Variants in MBNL1 observed in about 807,000 individuals in gnomAD.
The protein encoded by MBNL1 is muscleblind like splicing regulator 1, also known as muscleblind-like protein 1.
Under a neutral mutation model 42.2 loss-of-function variants are expected in MBNL1, and 8 were observed. That is an observed-to-expected ratio of 0.19 (90% confidence interval 0.11 to 0.34). The LOEUF is 0.34. MBNL1 is among the 10% of genes least tolerant of loss of function. The pLI is 1.00. For missense variants in MBNL1, 309 were observed against 495.3 expected, an observed-to-expected ratio of 0.62 and a Z score of 3.57; for synonymous variants, 169 against 173.9, an observed-to-expected ratio of 0.97 and a Z score of 0.22.
intron 4 of MBNL1, among the ~76,000 whole-genome samples, chr3:152,435,244 A>C (rs2099062917): frequency 6.6e-6 from 1 of 152,080 alleles, no homozygotes; most frequent in Non-Finnish European, 1.5e-5. Flanking sequence ...GTCCAGTTTC[A>C]ATCTTCTGTG....
At chr3:152,409,484 A>T (rs1301142743) in intron 2 of MBNL1, among the ~76,000 whole-genome samples, 2 of 152,166 alleles carry the variant, frequency 1.3e-5, no homozygotes, top group Admixed American at 1.3e-4. Flanking sequence ...AAAAATGGTA[A>T]GAATTTTCAA....
At chr3:152,358,837 T>G (rs2095717940) in intron 2 of MBNL1, among the ~76,000 whole-genome samples, 1 of 152,104 alleles carries the variant, frequency 6.6e-6, no homozygotes, top group Non-Finnish European at 1.5e-5. Flanking sequence ...CTCAAACTCC[T>G]GGGCTCAAGT....
rs149114210 is a variant in MBNL1 at position 152,287,237 on chromosome 3, A to G, written c.-789-12168A>G. 4.1e-3 allele frequency among the ~76,000 whole-genome samples: 617 copies of G among 152,124 alleles called. 4 individuals carry two copies. Among genetic ancestry groups the G allele is most frequent in the African/African-American group, 0.014 (571 of 41,490 alleles). Reference sequence around the variant, plus strand: ...CTCAAAAAAAAAAAAAAATGGTTGTATATGGTGTAGTATCTTAGAGTGATG... The same window carrying G: ...CTCAAAAAAAAAAAAAAATGGTTGTGTATGGTGTAGTATCTTAGAGTGATG... On this transcript the variant is annotated intron_variant, in intron 1 of 9. Coordinates refer to ENST00000324210, the MANE Select transcript of MBNL1 (RefSeq NM_021038.5).
intron 2 of MBNL1, among the ~76,000 whole-genome samples, chr3:152,375,614 A>G (rs568828011): frequency 1.6e-4 from 25 of 152,246 alleles, no homozygotes; most frequent in East Asian, 5.8e-4. Context: ...AAATTCAGCA[A>G]TGAAACCAGT....
chr3:152,327,754 G>A (rs559904879), intron 2 of MBNL1, among the ~76,000 whole-genome samples: 1 of 151,412 alleles, frequency 6.6e-6, no homozygotes, highest in African/African-American at 2.4e-5. Flanking sequence ...TATAATATTT[G>A]GTATCATATA....
intron 1 of MBNL1, among the ~76,000 whole-genome samples, chr3:152,294,763 T>C (rs968607102): frequency 2.6e-5 from 4 of 152,222 alleles, no homozygotes; most frequent in Non-Finnish European, 2.9e-5. Context: ...TCTCATAATC[T>C]GGACATTACC....
At chr3:152,420,701 T>G (rs1193677579) in intron 3 of MBNL1, among the ~76,000 whole-genome samples, 2 of 152,146 alleles carry the variant, frequency 1.3e-5, no homozygotes, top group Admixed American at 6.5e-5. Flanking sequence ...AAAACCAGAT[T>G]GCCTCTTCTT....
Position 152,355,587 on chromosome 3 carries a change from A to G in MBNL1, c.174+55220A>G, listed in dbSNP as rs2095456294. On this transcript the variant is annotated intron_variant, in intron 2 of 9. Coordinates refer to ENST00000324210, the MANE Select transcript of MBNL1 (RefSeq NM_021038.5). ...GTTTTATAAGATCATGGAATTAACC[A>G]TTTTTTCGTATTTTTCAATTAGAAA... is the stretch of plus-strand genomic sequence containing the variant. Among the ~76,000 whole-genome samples, 3 of 152,158 alleles carry G rather than the reference A, an allele frequency of 2.0e-5. No homozygotes were observed. In the South Asian group the frequency reaches 6.2e-4, roughly 32 times the overall value.
chr3:152,285,993 A>C (rs2051467167), intron 1 of MBNL1, among the ~76,000 whole-genome samples: 1 of 151,982 alleles, frequency 6.6e-6, no homozygotes, highest in South Asian at 2.1e-4. Flanking sequence ...AGCCAGAAAG[A>C]AAGCTCAGTA....
At chr3:152,278,794 CAT>C (rs2046754266) in intron 1 of MBNL1, among the ~76,000 whole-genome samples, 1 of 152,060 alleles carries the variant, frequency 6.6e-6, no homozygotes, top group Non-Finnish European at 1.5e-5. Context: ...AGTTAACAAA[CAT>C]ATTCTGAGCA....
At chr3:152,268,760 G>A (rs751939262), upstream of MBNL1, 42 of 454,806 alleles carry the variant, frequency 9.2e-5, 1 homozygote, top group Middle Eastern at 8.9e-4. Context: ...GGAAGCGCGG[G>A]AGGGCGCCGG....
intron 1 of MBNL1, among the ~76,000 whole-genome samples, chr3:152,284,017 C>T (rs937131491): frequency 6.6e-6 from 1 of 151,958 alleles, no homozygotes; most frequent in African/African-American, 2.4e-5. Flanking sequence ...AGTTTTATAC[C>T]TTTAATTAAA....
chr3:152,352,573 GT>G (rs141461116), intron 2 of MBNL1, among the ~76,000 whole-genome samples: 2 of 149,714 alleles, frequency 1.3e-5, no homozygotes, highest in Non-Finnish European at 3.0e-5. Flanking sequence ...TCCCACCCTG[GT>G]TTTTTTTTGC....
At chr3:152,424,232 A>T (rs2098856533) in intron 3 of MBNL1, among the ~76,000 whole-genome samples, 1 of 152,252 alleles carries the variant, frequency 6.6e-6, no homozygotes, top group Non-Finnish European at 1.5e-5. Flanking sequence ...CAGTCTCAGG[A>T]TACAAAATCA....
intron 2 of MBNL1, among the ~76,000 whole-genome samples, chr3:152,388,589 A>G (rs2097545791): frequency 6.6e-6 from 1 of 152,098 alleles, no homozygotes; most frequent in Non-Finnish European, 1.5e-5. Context: ...ACCTTTACCT[A>G]CCTAGGTCCA....
intron 2 of MBNL1, among the ~76,000 whole-genome samples, chr3:152,313,908 C>A (rs1560102498): frequency 6.6e-6 from 1 of 152,148 alleles, no homozygotes; most frequent in Admixed American, 6.5e-5. Flanking sequence ...CCTGAAAATT[C>A]ATTTTGTAAA....
intron 2 of MBNL1, among the ~76,000 whole-genome samples, chr3:152,361,711 T>C (rs1238782769): frequency 1.3e-5 from 2 of 152,180 alleles, no homozygotes; most frequent in African/African-American, 4.8e-5. Flanking sequence ...AAGGTTATCC[T>C]GAAAAAGATG....
intron 2 of MBNL1, among the ~76,000 whole-genome samples, chr3:152,387,985 G>C (rs1311499184): frequency 1.3e-5 from 2 of 152,146 alleles, no homozygotes; most frequent in Non-Finnish European, 2.9e-5. Context: ...TAAAAATAAA[G>C]ATTAGATGGC....
At chr3:152,323,852 T>C (rs1224895822) in intron 2 of MBNL1, among the ~76,000 whole-genome samples, 3 of 152,222 alleles carry the variant, frequency 2.0e-5, no homozygotes, top group Non-Finnish European at 2.9e-5. Flanking sequence ...AGCGTTGTTA[T>C]ACAGCTATTG....
Sources: gnomAD v4.1 joint callset for allele counts (sites outside exome capture counted in the v4.1 genomes callset) on GRCh38, gnomAD v4.1.1 for gene constraint, MANE v1.5 for transcripts, NCBI Gene and HGNC (gene_info 2026-07-23, HGNC 2026-07-21) for gene names.